Variants in NXPE2 observed in about 807,000 individuals in gnomAD.
NXPE2 encodes the protein NXPE family member 2.
Under a neutral mutation model 34.4 loss-of-function variants are expected in NXPE2, and 34 were observed. The observed-to-expected ratio is 0.99, with a 90% CI of 0.75 to 1.31. The LOEUF is 1.31. NXPE2 is among the 40% of genes most tolerant of loss of function. NXPE2 has a pLI of 0.00. For missense variants in NXPE2, 649 were observed against 672.5 expected (o/e 0.97, Z 0.39); for synonymous variants, 235 against 231.3 (o/e 1.02, Z -0.15).
chr11:114,581,230 T>A, the NXPE2 span, among the ~76,000 whole-genome samples: 1 of 152,058 alleles, frequency 6.6e-6, no homozygotes, highest in Non-Finnish European at 1.5e-5. Flanking sequence ...TGGAGAGAAA[T>A]TAGTAAATAT....
chr11:114,615,185 C>T, the NXPE2 span, among the ~76,000 whole-genome samples: 1 of 151,924 alleles, frequency 6.6e-6, no homozygotes, highest in Non-Finnish European at 1.5e-5. Context: ...AGTATTCCTT[C>T]GTTGGTAACC....
At chr11:114,590,373 C>A in the NXPE2 span, among the ~76,000 whole-genome samples, 1 of 152,108 alleles carries the variant, frequency 6.6e-6, no homozygotes, top group Non-Finnish European at 1.5e-5. Context: ...AGAATTAAGC[C>A]CATTTCCTCC....
chr11:114,639,463 C>A, the NXPE2 span, among the ~76,000 whole-genome samples: 3 of 151,506 alleles, frequency 2.0e-5, no homozygotes, highest in Admixed American at 2.0e-4. Flanking sequence ...ATGCACGCTG[C>A]GCTGCCCCCA....
At chr11:114,586,834 A>G in the NXPE2 span, among the ~76,000 whole-genome samples, 1 of 152,188 alleles carries the variant, frequency 6.6e-6, no homozygotes, top group Admixed American at 6.6e-5. Context: ...CAATGCTTTA[A>G]AAATTTTTAC....
At chr11:114,682,007 A>G (rs1336364944) in intron 2 of NXPE2, among the ~76,000 whole-genome samples, 1 of 152,218 alleles carries the variant, frequency 6.6e-6, no homozygotes, top group African/African-American at 2.4e-5. Context: ...AAAATAAATC[A>G]TTCATTTAAC....
chr11:114,537,857 C>A, the NXPE2 span, among the ~76,000 whole-genome samples: 2 of 151,746 alleles, frequency 1.3e-5, no homozygotes, highest in Non-Finnish European at 2.9e-5. Flanking sequence ...CCATACTGCC[C>A]AAGGTAATTT....
chr11:114,598,757 C>A, the NXPE2 span, among the ~76,000 whole-genome samples: 5 of 152,080 alleles, frequency 3.3e-5, no homozygotes, highest in Non-Finnish European at 5.9e-5. Context: ...GCCTGGCTCA[C>A]AAAACCATTC....
At chr11:114,727,452 T>C in the NXPE2 span, among the ~76,000 whole-genome samples, 2 of 152,010 alleles carry the variant, frequency 1.3e-5, no homozygotes, top group Non-Finnish European at 2.9e-5. Context: ...ACATTGCGGA[T>C]TAGGACTTCA....
the NXPE2 span, among the ~76,000 whole-genome samples, chr11:114,627,757 G>A: frequency 6.6e-6 from 1 of 152,160 alleles, no homozygotes; most frequent in South Asian, 2.1e-4. Context: ...CCATCAGTGT[G>A]CTGTATTCAG....
At chr11:114,582,461 A>C in the NXPE2 span, 3 of 1,614,168 alleles carry the variant, frequency 1.9e-6, no homozygotes, top group Non-Finnish European at 2.5e-6. Context: ...GGATCAGGCC[A>C]CATTCAGAGT....
the NXPE2 span, among the ~76,000 whole-genome samples, chr11:114,789,663 G>A: frequency 3.9e-5 from 6 of 152,328 alleles, no homozygotes; most frequent in African/African-American, 1.4e-4. Context: ...GGGTTAGTTG[G>A]CTCAGAAAGG....
At chr11:114,612,005 C>T in the NXPE2 span, among the ~76,000 whole-genome samples, 1 of 142,350 alleles carries the variant, frequency 7.0e-6, no homozygotes, top group African/African-American at 2.6e-5. Flanking sequence ...GATAATAAGT[C>T]ATGCCTCATG....
At chr11:114,648,417 G>A in the NXPE2 span, among the ~76,000 whole-genome samples, 49,914 of 152,000 alleles carry the variant, frequency 0.33, 8,463 homozygotes, top group East Asian at 0.41. Context: ...CTTACTCAGC[G>A]GAGGGTCAGA....
At chr11:114,528,945 G>A in the NXPE2 span, 1,191 of 467,404 alleles carry the variant, frequency 2.5e-3, 1 homozygote, top group Non-Finnish European at 3.8e-3. Context: ...AAAAGGGAGG[G>A]AACAGAAACT....
At chr11:114,627,078 A>G in the NXPE2 span, among the ~76,000 whole-genome samples, 47 of 152,268 alleles carry the variant, frequency 3.1e-4, no homozygotes, top group South Asian at 8.7e-3. Flanking sequence ...GAATGGAACC[A>G]AGTTGGAAAA....
chr11:114,569,714 G>GA, the NXPE2 span, among the ~76,000 whole-genome samples: 1 of 152,134 alleles, frequency 6.6e-6, no homozygotes, highest in African/African-American at 2.4e-5. Context: ...CAAACCCCTG[G>GA]ACTCAAGTGA....
At chr11:114,644,769 A>G in the NXPE2 span, among the ~76,000 whole-genome samples, 2 of 151,954 alleles carry the variant, frequency 1.3e-5, no homozygotes, top group Non-Finnish European at 2.9e-5. Context: ...CCAAAAATAC[A>G]TATCTAAATC....
the NXPE2 span, among the ~76,000 whole-genome samples, chr11:114,535,989 G>T: frequency 6.6e-6 from 1 of 152,228 alleles, no homozygotes; most frequent in African/African-American, 2.4e-5. Flanking sequence ...ATTCTTTTCA[G>T]CACCACACCA....
At chr11:114,806,699 C>T in the NXPE2 span, among the ~76,000 whole-genome samples, 7 of 152,042 alleles carry the variant, frequency 4.6e-5, no homozygotes, top group South Asian at 1.5e-3. Context: ...TGTGAAAAGA[C>T]CAAATCTACG....
Sources: allele counts gnomAD v4.1 joint callset (sites outside exome capture counted in the v4.1 genomes callset), GRCh38; gene constraint gnomAD v4.1.1; transcripts MANE v1.5; gene names NCBI Gene and HGNC (gene_info 2026-07-23, HGNC 2026-07-21).